MMP16: variants seen among roughly 807,000 people sequenced by gnomAD.
MMP16 encodes matrix metalloproteinase-16.
Under a neutral mutation model 67.8 loss-of-function variants are expected in MMP16, and 12 were observed. The observed-to-expected ratio is 0.18, with a 90% CI of 0.11 to 0.29. The LOEUF (loss-of-function observed/expected upper bound fraction) is 0.29, where lower values mean the gene tolerates loss of function less well. Ranked by LOEUF, MMP16 falls within the 10% of genes least tolerant of loss-of-function variation. The probability of loss-of-function intolerance (pLI) is 1.00; values close to 1 mark genes in which losing one functional copy is unlikely to be tolerated. For synonymous variants in MMP16, 249 were observed against 255.9 expected, an observed-to-expected ratio of 0.97 and a Z score of 0.26; for missense variants, 475 against 765.7, an observed-to-expected ratio of 0.62 and a Z score of 4.48.
At chr8:88,091,059 A>C (rs760170545) in intron 6 of MMP16, among the ~76,000 whole-genome samples, 1 of 151,808 alleles carries the variant, frequency 6.6e-6, no homozygotes, top group Non-Finnish European at 1.5e-5. Context: ...CGTTATCTTC[A>C]TAGCTGTTTT....
chr8:88,204,322 T>G (rs1282644517), intron 1 of MMP16, among the ~76,000 whole-genome samples: 1 of 152,202 alleles, frequency 6.6e-6, no homozygotes, highest in African/African-American at 2.4e-5. Flanking sequence ...ATAAGGCTCA[T>G]GATTTATAAC....
intron 4 of MMP16, among the ~76,000 whole-genome samples, chr8:88,123,459 A>G (rs559359597): frequency 6.8e-6 from 1 of 146,402 alleles, no homozygotes; most frequent in South Asian, 2.2e-4. Context: ...CTATGCTATT[A>G]CTCTCTTTGC....
chr8:88,190,636 G>A (rs928647107), intron 2 of MMP16, among the ~76,000 whole-genome samples: 3 of 152,062 alleles, frequency 2.0e-5, no homozygotes, highest in Non-Finnish European at 4.4e-5. Context: ...ATATCAATTT[G>A]ATAAATCCCA....
chr8:88,092,680 A>G (rs1160934776), intron 6 of MMP16, among the ~76,000 whole-genome samples: 1 of 151,934 alleles, frequency 6.6e-6, no homozygotes, highest in Non-Finnish European at 1.5e-5. Flanking sequence ...TGAAGATTAA[A>G]GTTATTCAAA....
chr8:88,202,542 GA>G (rs1332339816), intron 1 of MMP16, among the ~76,000 whole-genome samples: 1 of 152,092 alleles, frequency 6.6e-6, no homozygotes, highest in African/African-American at 2.4e-5. Flanking sequence ...GAAAGTTGCA[GA>G]AGACTATGAT....
chr8:88,264,895 T>C (rs1314754939), intron 1 of MMP16, among the ~76,000 whole-genome samples: 2 of 152,240 alleles, frequency 1.3e-5, no homozygotes, highest in African/African-American at 4.8e-5. Context: ...TATAGAAAAC[T>C]ATGCTAACGT....
chr8:88,198,907 G>T (rs1347004606), intron 1 of MMP16, among the ~76,000 whole-genome samples: 1 of 152,016 alleles, frequency 6.6e-6, no homozygotes, highest in Non-Finnish European at 1.5e-5. Context: ...CTAGTTAACA[G>T]TGGTGCAGTC....
intron 6 of MMP16, among the ~76,000 whole-genome samples, chr8:88,077,943 T>C (rs994690158): frequency 5.9e-5 from 9 of 152,160 alleles, no homozygotes; most frequent in African/African-American, 2.2e-4. Flanking sequence ...ACAACATAAG[T>C]TTGGTTTTTG....
chr8:88,100,653 T>C (rs1457653684), intron 6 of MMP16, among the ~76,000 whole-genome samples: 1 of 152,016 alleles, frequency 6.6e-6, no homozygotes, highest in African/African-American at 2.4e-5. Flanking sequence ...TTATAAATCA[T>C]GCTGCTATAA....
At chr8:88,165,178 TAAAA>T (rs11325157) in intron 4 of MMP16, among the ~76,000 whole-genome samples, 1 of 95,262 alleles carries the variant, frequency 1.0e-5, no homozygotes, top group Non-Finnish European at 2.1e-5. Flanking sequence ...ACCCCATCTC[TAAAA>T]AAAAAAAAAA....
chr8:88,211,310 G>C (rs901033895), intron 1 of MMP16, among the ~76,000 whole-genome samples: 70 of 152,136 alleles, frequency 4.6e-4, no homozygotes, highest in African/African-American at 1.2e-3. Flanking sequence ...AAGGTTGTAA[G>C]TTATAAAATA....
chr8:88,184,746 CAAAAAAAAAAAA>C (rs61606557), intron 3 of MMP16, among the ~76,000 whole-genome samples: 24 of 47,482 alleles, frequency 5.1e-4, no homozygotes, highest in African/African-American at 1.3e-3. Flanking sequence ...GGCCCTGTCT[CAAAAAAAAAAAA>C]AAAAAAAAAA....
intron 1 of MMP16, among the ~76,000 whole-genome samples, chr8:88,239,740 T>G (rs1810005332): frequency 6.6e-6 from 1 of 152,200 alleles, no homozygotes; most frequent in South Asian, 2.1e-4. Flanking sequence ...TTGGAGCTAT[T>G]TTAACTGTAA....
intron 1 of MMP16, among the ~76,000 whole-genome samples, chr8:88,281,372 AT>A (rs1268379313): frequency 1.3e-5 from 2 of 152,212 alleles, no homozygotes; most frequent in African/African-American, 4.8e-5. Flanking sequence ...GGAAGAAAGC[AT>A]TCCAACATGC....
chr8:88,041,263 C>T lies in MMP16; in HGVS notation c.*198G>A. ...ACAAAGGACTGAAGAACAGCAGATA[C>T]TGTGCATCATGGAAGCTTCCCCATG... On this transcript the variant is annotated 3_prime_UTR_variant, in exon 10 of 10. Coordinates refer to ENST00000286614, the MANE Select transcript of MMP16 (RefSeq NM_005941.5). The surrounding 1 kb of genome is among the most constrained non-coding windows in gnomAD (Gnocchi z 6.0). The T allele has an allele frequency of 3.5e-6, 2 of 573,138 alleles. No individual in the cohort carries two copies. The highest frequency in any genetic ancestry group is 6.2e-6 in the Non-Finnish European group (2 of 322,246). The allele number at this position is 573,138 out of a possible 1,614,324, so 35.5% of individuals were successfully genotyped here. A position where few individuals can be genotyped will look rare whatever the true frequency, so the allele number is the denominator to read the frequency against.
chr8:88,086,839 CTTGT>C (rs1347103642), intron 6 of MMP16, among the ~76,000 whole-genome samples: 3 of 151,780 alleles, frequency 2.0e-5, no homozygotes, highest in Admixed American at 6.6e-5. Flanking sequence ...CTGAAATTAC[CTTGT>C]TTATTTGTTC....
chr8:88,171,276 C>A (rs1808798620), intron 3 of MMP16, among the ~76,000 whole-genome samples: 1 of 152,064 alleles, frequency 6.6e-6, no homozygotes, highest in Non-Finnish European at 1.5e-5. Flanking sequence ...ACCTGTACAC[C>A]AAACCCTCAT....
At position 88,327,434 on chromosome 8, in the gene MMP16, G is replaced by C. The variant is rs1586022769; in HGVS notation, c.-228C>G. 8 of 509,672 alleles carry C rather than the reference G, an allele frequency of 1.6e-5. No individual in the cohort carries two copies. The highest frequency in any genetic ancestry group is 1.2e-4 in the South Asian group (6 of 51,186). 31.6% of individuals were successfully genotyped at this position (509,672 alleles called of 1,614,324 possible). A position where few individuals can be genotyped will look rare whatever the true frequency, so the allele number is the denominator to read the frequency against. On this transcript the variant is annotated 5_prime_UTR_variant, in exon 1 of 10. Coordinates refer to ENST00000286614, the MANE Select transcript of MMP16 (RefSeq NM_005941.5). ...AGTAGTTCCTGTTCACCATCCTCCGGGGTCAGTCACCGGGAACGTGGCGCC... is the reference window on the plus strand; with the variant it reads ...AGTAGTTCCTGTTCACCATCCTCCGCGGTCAGTCACCGGGAACGTGGCGCC...
In MMP16 at chr8:88,143,621, T is replaced by A. The variant is rs2139485; in HGVS notation, c.709+24048A>T. On this transcript the variant is annotated intron_variant, in intron 4 of 9. Coordinates refer to ENST00000286614, the MANE Select transcript of MMP16 (RefSeq NM_005941.5). ...TGCCACAAACTTGCAAAGGAAGGTG[T>A]AAAGTTATAAGGAGAAAGTGATTAG... Among the ~76,000 whole-genome samples the A allele has an allele frequency of 7.1e-3, 1,073 of 152,076 alleles. 19 individuals are homozygous for A. The highest frequency in any genetic ancestry group is 0.025 in the African/African-American group (1,019 of 41,512).
Sources: gnomAD v4.1 joint callset for allele counts (sites outside exome capture counted in the v4.1 genomes callset) on GRCh38, gnomAD v4.1.1 for gene constraint, Gnocchi (gnomAD v3.1) non-coding constraint, MANE v1.5 for transcripts, NCBI Gene and HGNC (gene_info 2026-07-23, HGNC 2026-07-21) for gene names.